Variants in RABGEF1 observed in about 807,000 individuals in gnomAD.
RABGEF1 encodes the protein rab5 GDP/GTP exchange factor.
In RABGEF1, 26 loss-of-function variants were observed where a neutral mutation model predicts 57.3. The observed-to-expected ratio is 0.45, with a 90% CI of 0.33 to 0.63. The LOEUF is 0.63. RABGEF1 is among the 20% of genes least tolerant of loss of function. RABGEF1 has a pLI of 0.02. For missense variants in RABGEF1, 464 were observed against 607.6 expected, an observed-to-expected ratio of 0.76 and a Z score of 2.48; for synonymous variants, 185 against 210.7, an observed-to-expected ratio of 0.88 and a Z score of 1.06.
At chr7:66,804,823 T>C (rs1220068432) in intron 7 of RABGEF1, among the ~76,000 whole-genome samples, 1 of 151,738 alleles carries the variant, frequency 6.6e-6, no homozygotes, top group Non-Finnish European at 1.5e-5. Flanking sequence ...GTCTGTATGA[T>C]CTTGGGCAAA....
intron 1 of RABGEF1, among the ~76,000 whole-genome samples, chr7:66,693,463 G>A (rs1791841894): frequency 6.6e-6 from 1 of 152,062 alleles, no homozygotes; most frequent in Non-Finnish European, 1.5e-5. Flanking sequence ...GCCCCTCCCT[G>A]GGCTCCAAGA....
At chr7:66,667,202 T>G in the RABGEF1 span, among the ~76,000 whole-genome samples, 1 of 152,176 alleles carries the variant, frequency 6.6e-6, no homozygotes, top group African/African-American at 2.4e-5. Flanking sequence ...CAGGAAGGGC[T>G]TGGCCAGTGC....
chr7:66,687,384 C>G (rs1194076789), intron 1 of RABGEF1, among the ~76,000 whole-genome samples: 1 of 151,458 alleles, frequency 6.6e-6, no homozygotes, highest in Non-Finnish European at 1.5e-5. Context: ...CCTCGGCCTC[C>G]CAGAGTGCTG....
intron 1 of RABGEF1, among the ~76,000 whole-genome samples, chr7:66,764,909 T>G (rs1317581987): frequency 6.6e-6 from 1 of 152,242 alleles, no homozygotes. Flanking sequence ...TTTCTTACAT[T>G]CTTTTTCAGT....
the RABGEF1 span, among the ~76,000 whole-genome samples, chr7:66,656,394 A>C: frequency 6.6e-6 from 1 of 152,164 alleles, no homozygotes; most frequent in Non-Finnish European, 1.5e-5. Context: ...CTGAAATTAC[A>C]GGCATCAGCT....
chr7:66,787,192 A>C (rs1261747451), intron 4 of RABGEF1, among the ~76,000 whole-genome samples: 2 of 150,104 alleles, frequency 1.3e-5, no homozygotes, highest in Non-Finnish European at 3.0e-5. Context: ...ATGCCCAGAT[A>C]ATTTTTACTT....
chr7:66,729,797 C>T (rs1278175658), intron 2 of RABGEF1, among the ~76,000 whole-genome samples: 1 of 152,250 alleles, frequency 6.6e-6, no homozygotes, highest in Admixed American at 6.5e-5. Context: ...GTTGCAGGTC[C>T]TGGCTGCCTT....
chr7:66,775,210 C>T lies in RABGEF1; in HGVS notation c.180-17C>T. The T allele has an allele frequency of 2.5e-6, 4 of 1,602,550 alleles. No individual in the cohort carries two copies. The highest frequency in any genetic ancestry group is 3.4e-6 in the Non-Finnish European group (4 of 1,175,554). On this transcript the variant is annotated splice_polypyrimidine_tract_variant and intron_variant, in intron 2 of 8. Transcript: ENST00000284957. ...TGGAGAATATCTAGGTCATTCTAAT[C>T]CTCTCTTGAATTGCAGACTCCAGCG... is the stretch of plus-strand genomic sequence containing the variant.
At chr7:66,741,207 C>A (rs1376404313) in intron 1 of RABGEF1, among the ~76,000 whole-genome samples, 1 of 152,216 alleles carries the variant, frequency 6.6e-6, no homozygotes, top group African/African-American at 2.4e-5. Flanking sequence ...CCCACAACCT[C>A]CCCGGAAAGC....
At chr7:66,680,589 T>C (rs1386894494), upstream of RABGEF1, among the ~76,000 whole-genome samples, 1 of 150,930 alleles carries the variant, frequency 6.6e-6, no homozygotes, top group Admixed American at 6.6e-5. Context: ...TAGCACACAT[T>C]AGGCACCTAG....
chr7:66,708,719 G>A (rs949882939), intron 1 of RABGEF1, among the ~76,000 whole-genome samples: 13 of 152,114 alleles, frequency 8.5e-5, no homozygotes, highest in Non-Finnish European at 1.8e-4. Context: ...GGCTGAGGTG[G>A]GAGGATCTCC....
intron 7 of RABGEF1, among the ~76,000 whole-genome samples, chr7:66,800,161 T>TA (rs1786955481): frequency 6.6e-6 from 1 of 152,222 alleles, no homozygotes; most frequent in Non-Finnish European, 1.5e-5. Flanking sequence ...GGTTAACTGA[T>TA]ATTAGTAGTG....
chr7:66,779,534 G>T (rs1809353994), intron 3 of RABGEF1, among the ~76,000 whole-genome samples: 2 of 151,752 alleles, frequency 1.3e-5, no homozygotes, highest in African/African-American at 4.8e-5. Context: ...TAAAAAATTA[G>T]CTGGGCTAGT....
intron 2 of RABGEF1, among the ~76,000 whole-genome samples, chr7:66,723,130 G>A (rs1452201624): frequency 6.6e-6 from 1 of 152,004 alleles, no homozygotes; most frequent in East Asian, 1.9e-4. Context: ...TGCCACGCCC[G>A]GCTAGTTTTT....
At chr7:66,704,479 A>G (rs1412219082) in intron 1 of RABGEF1, among the ~76,000 whole-genome samples, 1 of 152,176 alleles carries the variant, frequency 6.6e-6, no homozygotes, top group African/African-American at 2.4e-5. Context: ...ATCATTTTAC[A>G]TTCCCACCAG....
chr7:66,724,078 G>A (rs1796333933), intron 2 of RABGEF1, among the ~76,000 whole-genome samples: 1 of 151,760 alleles, frequency 6.6e-6, no homozygotes, highest in Non-Finnish European at 1.5e-5. Flanking sequence ...TGTTTCTTAA[G>A]AAATTTTTTT....
chr7:66,655,330 A>C, the RABGEF1 span, among the ~76,000 whole-genome samples: 1 of 151,978 alleles, frequency 6.6e-6, no homozygotes, highest in Admixed American at 6.5e-5. Flanking sequence ...GCCGCTTTGG[A>C]GGCTAGGTCA....
At chr7:66,775,724 C>A (rs1054702541) in intron 3 of RABGEF1, among the ~76,000 whole-genome samples, 6 of 152,074 alleles carry the variant, frequency 3.9e-5, no homozygotes, top group Non-Finnish European at 8.8e-5. Context: ...CTGGTTTGTT[C>A]TGTGGTATAA....
At chr7:66,747,117 T>C (rs1476102579) in intron 1 of RABGEF1, among the ~76,000 whole-genome samples, 2 of 152,142 alleles carry the variant, frequency 1.3e-5, no homozygotes, top group Non-Finnish European at 2.9e-5. Flanking sequence ...TTAATTTGTT[T>C]CTGGTAGCAT....
Sources: gnomAD v4.1 joint callset for allele counts (sites outside exome capture counted in the v4.1 genomes callset) on GRCh38, gnomAD v4.1.1 for gene constraint, MANE v1.5 for transcripts, NCBI Gene and HGNC (gene_info 2026-07-23, HGNC 2026-07-21) for gene names.